TRIO: variants seen among roughly 807,000 people sequenced by gnomAD.
TRIO encodes the protein trio Rho guanine nucleotide exchange factor, also known as triple functional domain protein.
Under a neutral mutation model 351.9 loss-of-function variants are expected in TRIO, and 58 were observed. That is an observed-to-expected ratio of 0.16 (90% CI 0.13 to 0.21). The LOEUF (loss-of-function observed/expected upper bound fraction) is 0.21. Among genes scored for constraint, TRIO ranks in the 10% least tolerant of loss-of-function variants. The pLI, the probability that TRIO is intolerant of heterozygous loss-of-function variation, is 1.00. For missense variants in TRIO, 3,201 were observed against 4,027.8 expected, an observed-to-expected ratio of 0.79 and a Z score of 5.56; for synonymous variants, 1,758 against 1,595.7, an observed-to-expected ratio of 1.10 and a Z score of -2.42.
At chr5:14,175,327 A>G (rs1475837927) in intron 1 of TRIO, among the ~76,000 whole-genome samples, 1 of 152,220 alleles carries the variant, frequency 6.6e-6, no homozygotes, top group Non-Finnish European at 1.5e-5. Context: ...AATGCTTTCT[A>G]AAAGGCGTTT....
At chr5:14,358,101 G>T in intron 11 of TRIO, 77 bp from the exon 12 acceptor site, 1 of 1,508,078 alleles carries the variant, frequency 6.6e-7, no homozygotes. Flanking sequence ...TCTCCACTGG[G>T]GCCCCTTGGA....
intron 11 of TRIO, among the ~76,000 whole-genome samples, chr5:14,340,482 T>A (rs1233160110): frequency 1.3e-5 from 2 of 152,150 alleles, no homozygotes; most frequent in Non-Finnish European, 2.9e-5. Flanking sequence ...CTAAAGGCTC[T>A]CGTGACAGAA....
At chr5:14,319,698 G>A (rs754792146) in intron 9 of TRIO, among the ~76,000 whole-genome samples, 3 of 152,202 alleles carry the variant, frequency 2.0e-5, no homozygotes, top group Non-Finnish European at 2.9e-5. Context: ...GCGAGGCATG[G>A]AATGATTACA....
intron 33 of TRIO, among the ~76,000 whole-genome samples, chr5:14,407,488 T>C (rs556383874): frequency 6.6e-6 from 1 of 152,306 alleles, no homozygotes; most frequent in African/African-American, 2.4e-5. Flanking sequence ...TCTGGGTTCA[T>C]AGTGATGCCA....
rs56018324 is a variant in TRIO at position 14,495,658 on chromosome 5, GAAAAAAAAAAAAAAAA to G, written c.7881-1208_7881-1193del. 7.1e-4 allele frequency among the ~76,000 whole-genome samples: 23 copies of G among 32,598 alleles called. 1 individual carries two copies. The highest frequency in any genetic ancestry group is 0.036 in the Middle Eastern group (1 of 28). 21.4% of individuals were successfully genotyped at this position (32,598 alleles called of 152,430 possible). On this transcript the variant is annotated intron_variant, in intron 49 of 56. Transcript: ENST00000344204. ...ACATAGTGAAACCCCGTCTCTACTAGAAAAAAAAAAAAAAAAAAAAAAAAAAAAGGCCAGGCGTGGT... is the reference window on the plus strand; with the variant it reads ...ACATAGTGAAACCCCGTCTCTACTAGAAAAAAAAAAAAGGCCAGGCGTGGT...
chr5:14,466,913 A>G lies in TRIO; in HGVS notation c.5763+1273A>G, dbSNP rs138590745. Among the ~76,000 whole-genome samples the G allele has an allele frequency of 2.3e-3, 354 of 152,292 alleles. 2 individuals carry two copies. Among genetic ancestry groups the G allele is most frequent in the African/African-American group, 8.4e-3 (348 of 41,554 alleles). On this transcript the variant is annotated intron_variant, in intron 37 of 56. Transcript: ENST00000344204. ...ATTCCTCTACATGGATTCTGTGATAATAATACCACTGAGCACTTATTCTAA... is the reference window on the plus strand; with the variant it reads ...ATTCCTCTACATGGATTCTGTGATAGTAATACCACTGAGCACTTATTCTAA...
At chr5:14,158,929 A>G (rs960571335) in intron 1 of TRIO, among the ~76,000 whole-genome samples, 39 of 152,270 alleles carry the variant, frequency 2.6e-4, no homozygotes, top group African/African-American at 2.4e-5. Context: ...AGTGTTTACT[A>G]TGTATAAGCC....
chr5:14,181,049 A>G (rs538675345), intron 1 of TRIO, among the ~76,000 whole-genome samples: 1 of 151,728 alleles, frequency 6.6e-6, no homozygotes, highest in African/African-American at 2.4e-5. Context: ...TGTTTCCATT[A>G]TATGGATTAT....
At chr5:14,488,421 C>G in intron 48 of TRIO, 161 bp downstream of exon 48, 1 of 1,055,036 alleles carries the variant, frequency 9.5e-7, no homozygotes, top group Non-Finnish European at 1.3e-6. Flanking sequence ...CGGGCCGGCC[C>G]ACGGCGCTAC....
chr5:14,427,991 G>A (rs908459065), intron 34 of TRIO, among the ~76,000 whole-genome samples: 7 of 152,090 alleles, frequency 4.6e-5, no homozygotes, highest in African/African-American at 1.2e-4. Context: ...GACCAAACCC[G>A]GAGCTTGCCC....
intron 1 of TRIO, among the ~76,000 whole-genome samples, chr5:14,263,089 C>G (rs932298977): frequency 6.6e-6 from 1 of 152,202 alleles, no homozygotes; most frequent in African/African-American, 2.4e-5. Context: ...TTCCACACTT[C>G]GCACAGATCT....
chr5:14,414,481 G>A (rs962026295), intron 33 of TRIO, among the ~76,000 whole-genome samples: 1 of 152,216 alleles, frequency 6.6e-6, no homozygotes, highest in Admixed American at 6.5e-5. Context: ...GAAAAGCAGT[G>A]TGTGAGCATG....
In TRIO at chr5:14,498,086, C is replaced by T. The variant is rs1207297872; in HGVS notation, c.8048-3C>T. ...GGCCTTTACCGACTCCTTTCCCATG[C>T]AGTTCCCCCAGAATTCGTCATTCCA... On this transcript the variant is annotated splice_region_variant and splice_polypyrimidine_tract_variant and intron_variant, in intron 51 of 56. Transcript: ENST00000344204. 1.2e-6 allele frequency: 2 copies of T among 1,614,164 alleles called. No individual in the cohort carries two copies. Among genetic ancestry groups the T allele is most frequent in the Non-Finnish European group, 8.5e-7 (1 of 1,180,036 alleles).
At chr5:14,205,458 A>AT (rs1791397454) in intron 1 of TRIO, among the ~76,000 whole-genome samples, 1 of 152,226 alleles carries the variant, frequency 6.6e-6, no homozygotes, top group Admixed American at 6.5e-5. Context: ...ATTACGTTAG[A>AT]TTCAAAATGA....
At chr5:14,154,133 T>G (rs1215510781) in intron 1 of TRIO, among the ~76,000 whole-genome samples, 3 of 152,154 alleles carry the variant, frequency 2.0e-5, no homozygotes, top group Non-Finnish European at 4.4e-5. Flanking sequence ...AAATCCTGAT[T>G]GAAATCTTGG....
intron 34 of TRIO, among the ~76,000 whole-genome samples, chr5:14,439,611 C>T (rs1442725063): frequency 1.3e-5 from 2 of 152,084 alleles, no homozygotes; most frequent in East Asian, 3.8e-4. Context: ...GTGCTTTTTG[C>T]TAACAAAAGA....
In TRIO at chr5:14,473,990, G is replaced by A. The variant is rs767633648; in HGVS notation, c.5980-4G>A. On this transcript the variant is annotated splice_polypyrimidine_tract_variant and splice_region_variant and intron_variant, in intron 39 of 56. Coordinates refer to ENST00000344204, the MANE Select transcript of TRIO (RefSeq NM_007118.4). ...ATACACTTATCATAACTGTTTAATT[G>A]TAGGGCTACATGGCACTTATGAAAG... 1 of 1,610,600 alleles carries A rather than the reference G, an allele frequency of 6.2e-7. No individual in the cohort carries two copies. Among genetic ancestry groups the A allele is most frequent in the Non-Finnish European group, 8.5e-7 (1 of 1,177,210 alleles).
At chr5:14,465,697 A>G in intron 37 of TRIO, 57 bp downstream of exon 37, 5 of 1,581,832 alleles carry the variant, frequency 3.2e-6, no homozygotes, top group South Asian at 1.1e-5. Context: ...TGCTACTTGC[A>G]GATGGATTTG....
chr5:14,410,666 C>T (rs30606), intron 33 of TRIO, among the ~76,000 whole-genome samples: 3 of 152,098 alleles, frequency 2.0e-5, no homozygotes, highest in African/African-American at 4.8e-5. Context: ...GAAACTGGGT[C>T]GGGGGATGTT....
Sources: gnomAD v4.1 joint callset for allele counts (sites outside exome capture counted in the v4.1 genomes callset) on GRCh38, gnomAD v4.1.1 for gene constraint, MANE v1.5 for transcripts, NCBI Gene and HGNC (gene_info 2026-07-23, HGNC 2026-07-21) for gene names.